Variants in PPARG observed in about 807,000 individuals in gnomAD.
PPARG encodes peroxisome proliferator activated receptor gamma, also known as peroxisome proliferator-activated receptor gamma.
In PPARG, 17 loss-of-function variants were observed where a neutral mutation model predicts 39.2. That is an observed-to-expected ratio of 0.43 (90% CI 0.30 to 0.65). PPARG has a LOEUF of 0.65. Among genes scored for constraint, PPARG ranks in the 30% least tolerant of loss-of-function variants. The pLI, the probability that PPARG is intolerant of heterozygous loss-of-function variation, is 0.13. For synonymous variants in PPARG, 223 were observed against 215.7 expected (o/e 1.03, Z -0.30); for missense variants, 406 against 585.9 (o/e 0.69, Z 3.17).
chr3:12,301,693 G>A (rs1164925852), intron 1 of PPARG: 1 of 152,142 alleles, frequency 6.6e-6, no homozygotes, highest in African/African-American at 2.4e-5. Flanking sequence ...ATCAATGCAA[G>A]GAACTTCCAT....
intron 4 of PPARG, among the ~76,000 whole-genome samples, chr3:12,381,777 C>G (rs1469139675): frequency 6.6e-6 from 1 of 152,050 alleles, no homozygotes. Context: ...TTTGTTTCTC[C>G]AAATTGATTC....
chr3:12,400,781 CT>C (rs1200723359), intron 5 of PPARG, among the ~76,000 whole-genome samples: 1 of 152,164 alleles, frequency 6.6e-6, no homozygotes, highest in Non-Finnish European at 1.5e-5. Flanking sequence ...AACTTTAGAG[CT>C]AAATTTAGAG....
At chr3:12,299,081 G>A (rs1004869316) in intron 1 of PPARG, among the ~76,000 whole-genome samples, 3 of 152,020 alleles carry the variant, frequency 2.0e-5, no homozygotes, top group African/African-American at 7.3e-5. Context: ...GCAGTCCTCT[G>A]GCCTCTGCCT....
intron 7 of PPARG, among the ~76,000 whole-genome samples, chr3:12,427,861 A>G (rs1027315860): frequency 1.3e-5 from 2 of 152,158 alleles, no homozygotes; most frequent in Non-Finnish European, 2.9e-5. Context: ...AAGGTCTTTC[A>G]TTGTCTGTGG....
At chr3:12,302,233 C>A (rs1361331391) in intron 1 of PPARG, among the ~76,000 whole-genome samples, 1 of 152,180 alleles carries the variant, frequency 6.6e-6, no homozygotes, top group Middle Eastern at 3.4e-3. Context: ...ACGAAAAATA[C>A]TAAAAACAAT....
intron 2 of PPARG, among the ~76,000 whole-genome samples, chr3:12,342,569 A>T (rs1226898785): frequency 6.6e-6 from 1 of 152,232 alleles, no homozygotes; most frequent in Non-Finnish European, 1.5e-5. Flanking sequence ...TCTCATTTTG[A>T]TTAAAAAATA....
chr3:12,354,414 G>A (rs1366620892), intron 2 of PPARG, among the ~76,000 whole-genome samples: 4 of 151,980 alleles, frequency 2.6e-5, no homozygotes, highest in Admixed American at 6.6e-5. Context: ...TAGCCTTGTA[G>A]CGTTAATCAC....
intron 5 of PPARG, among the ~76,000 whole-genome samples, chr3:12,396,008 A>G (rs549514525): frequency 6.6e-6 from 1 of 152,370 alleles, no homozygotes; most frequent in South Asian, 2.1e-4. Context: ...TCTTTAGTCA[A>G]ATGGGCTCTT....
intron 2 of PPARG, among the ~76,000 whole-genome samples, chr3:12,356,828 G>A (rs2048680205): frequency 6.6e-6 from 1 of 152,132 alleles, no homozygotes; most frequent in African/African-American, 2.4e-5. Context: ...TGTCCCAAGA[G>A]TAAGGCCGAC....
At chr3:12,349,941 C>A (rs962107567) in intron 2 of PPARG, among the ~76,000 whole-genome samples, 2 of 152,122 alleles carry the variant, frequency 1.3e-5, no homozygotes, top group Admixed American at 6.6e-5. Flanking sequence ...ATAGAAGTAA[C>A]AGTAGATGAA....
At chr3:12,405,744 G>A in intron 5 of PPARG, 138 bp from the exon 6 acceptor site, 1 of 824,380 alleles carries the variant, frequency 1.2e-6, no homozygotes, top group Non-Finnish European at 2.0e-6. Flanking sequence ...TGAGCAAAGT[G>A]GTAGACAGAA....
intron 5 of PPARG, among the ~76,000 whole-genome samples, chr3:12,405,217 C>G (rs2050617071): frequency 2.0e-5 from 3 of 152,194 alleles, no homozygotes; most frequent in African/African-American, 7.2e-5. Flanking sequence ...CTTTCATTAT[C>G]TTCTTTGACA....
intron 2 of PPARG, among the ~76,000 whole-genome samples, chr3:12,325,997 A>G (rs1422839715): frequency 2.0e-5 from 3 of 152,228 alleles, no homozygotes; most frequent in Non-Finnish European, 4.4e-5. Context: ...TTAGAAAAAC[A>G]GAAATCTATT....
intron 6 of PPARG, chr3:12,406,646 T>G (rs2050683779): frequency 1.3e-5 from 2 of 158,446 alleles, no homozygotes; most frequent in Admixed American, 1.2e-4. Context: ...TTAAAGCGAT[T>G]ATCATGCCTC....
intron 7 of PPARG, among the ~76,000 whole-genome samples, chr3:12,433,216 G>T (rs2051720893): frequency 6.6e-6 from 1 of 152,278 alleles, no homozygotes; most frequent in Non-Finnish European, 1.5e-5. Context: ...ATAAAACGTA[G>T]ATTCATCAGG....
chr3:12,299,944 A>G (rs1191460144), intron 1 of PPARG, among the ~76,000 whole-genome samples: 2 of 152,116 alleles, frequency 1.3e-5, no homozygotes, highest in Admixed American at 6.6e-5. Context: ...TACTATAGCT[A>G]TTTTCAATGT....
chr3:12,393,932 A>G (rs1305061158), intron 5 of PPARG, among the ~76,000 whole-genome samples: 1 of 152,194 alleles, frequency 6.6e-6, no homozygotes, highest in Non-Finnish European at 1.5e-5. Context: ...GCAAGAATGT[A>G]TTTTGAATAG....
chr3:12,330,301 T>TAAA (rs1302998459), intron 2 of PPARG, among the ~76,000 whole-genome samples: 14,810 of 112,914 alleles, frequency 0.13, 798 homozygotes, highest in East Asian at 0.24. Flanking sequence ...ACACCTTTTT[T>TAAA]TAAAAAAAAA....
At chr3:12,344,446 C>T (rs894076023) in intron 2 of PPARG, among the ~76,000 whole-genome samples, 8 of 151,768 alleles carry the variant, frequency 5.3e-5, no homozygotes, top group Non-Finnish European at 7.4e-5. Flanking sequence ...TGAATCTTAC[C>T]GGAAAATAAA....
Sources: gnomAD v4.1 joint callset for allele counts (sites outside exome capture counted in the v4.1 genomes callset) on GRCh38, gnomAD v4.1.1 for gene constraint, MANE v1.5 for transcripts, NCBI Gene and HGNC (gene_info 2026-07-23, HGNC 2026-07-21) for gene names.